The following CFAP44 variants were observed in gnomAD, a reference collection of about 807,000 sequenced individuals.
CFAP44 encodes cilia- and flagella-associated protein 44.
In CFAP44, 134 loss-of-function variants were observed where a neutral mutation model predicts 216.2. The ratio of observed to expected loss-of-function variants is 0.62; its 90% confidence interval spans 0.54 to 0.72. The LOEUF is 0.72. Ranked by LOEUF, CFAP44 falls within the 30% of genes least tolerant of loss-of-function variation. The probability of loss-of-function intolerance (pLI) is 0.00; values close to 1 mark genes in which losing one functional copy is unlikely to be tolerated. For synonymous variants in CFAP44, 700 were observed against 727.6 expected (o/e 0.96, Z 0.61); for missense variants, 2,035 against 2,182.1 (o/e 0.93, Z 1.34).
rs1950210721 is a variant in CFAP44, at chr3:113,328,695, T to TAAAAAAAAAAAAAAAAAAA, written c.4117-877_4117-876insTTTTTTTTTTTTTTTTTTT. 6.2e-4 allele frequency among the ~76,000 whole-genome samples: 45 copies of TAAAAAAAAAAAAAAAAAAA among 72,342 alleles called. 4 individuals carry two copies. Among genetic ancestry groups the TAAAAAAAAAAAAAAAAAAA allele is most frequent in the South Asian group, 1.0e-3 (2 of 2,006 alleles). The allele number at this position is 72,342 out of a possible 152,430, so 47.5% of individuals were successfully genotyped here. A position where few individuals can be genotyped will look rare whatever the true frequency, so the allele number is the denominator to read the frequency against. On this transcript the variant is annotated intron_variant, in intron 26 of 34. Coordinates refer to ENST00000393845, the MANE Select transcript of CFAP44 (RefSeq NM_001164496.2). ...AAACTACCAGAGAAATTTAGAGAGC[T>TAAAAAAAAAAAAAAAAAAA]TAAAAAAAAAAAAAAAAAAAAAAAA...
intron 10 of CFAP44, 111 bp from the exon 11 acceptor site, chr3:113,401,398 C>A: frequency 8.3e-7 from 1 of 1,205,368 alleles, no homozygotes; most frequent in South Asian, 1.5e-5. Context: ...ATCAAAAGCT[C>A]ACATATATTT....
At chr3:113,294,920 G>A in intron 33 of CFAP44, 99 bp from the exon 34 acceptor site, 1 of 1,315,038 alleles carries the variant, frequency 7.6e-7, no homozygotes, top group Non-Finnish European at 1.0e-6. Context: ...GGCAAATGGA[G>A]CAATGTGCCC....
intron 28 of CFAP44, among the ~76,000 whole-genome samples, chr3:113,313,590 C>T (rs915974938): frequency 6.6e-6 from 1 of 152,134 alleles, no homozygotes; most frequent in African/African-American, 2.4e-5. Context: ...GAAATCTCAT[C>T]TTGAATTGTA....
intron 28 of CFAP44, among the ~76,000 whole-genome samples, chr3:113,313,967 C>T (rs1576543105): frequency 6.6e-6 from 1 of 152,028 alleles, no homozygotes; most frequent in African/African-American, 2.4e-5. Context: ...AGAAGAGAAT[C>T]AATAAATGTA....
rs1950368355 is a variant in CFAP44 at position 113,345,099 on chromosome 3, A to C, written c.3066-387T>G. Among the ~76,000 whole-genome samples the C allele has an allele frequency of 2.0e-5, 3 of 148,428 alleles. No homozygotes were observed. The Admixed American group carries it at 2.0e-4, about 10-fold the overall frequency. ...AGACTATATATTATATATTATGTATATATATCTATACATATACATATATAA... is the reference window on the plus strand; with the variant it reads ...AGACTATATATTATATATTATGTATCTATATCTATACATATACATATATAA... On this transcript the variant is annotated intron_variant, in intron 22 of 34. Transcript: ENST00000393845.
At chr3:113,413,331 C>A (rs934795661) in intron 6 of CFAP44, among the ~76,000 whole-genome samples, 4 of 152,122 alleles carry the variant, frequency 2.6e-5, no homozygotes, top group Non-Finnish European at 4.4e-5. Flanking sequence ...CTTGTTCACT[C>A]TAATGATAGT....
intron 30 of CFAP44, among the ~76,000 whole-genome samples, chr3:113,305,446 C>A (rs952832053): frequency 6.6e-6 from 1 of 152,148 alleles, no homozygotes; most frequent in Non-Finnish European, 1.5e-5. Flanking sequence ...GCATGAAAAG[C>A]AGCCCATCAG....
chr3:113,408,865 A>C (rs947448415), intron 7 of CFAP44, among the ~76,000 whole-genome samples: 1,375 of 116,344 alleles, frequency 0.012, 14 homozygotes, highest in African/African-American at 0.045. Flanking sequence ...CTCCATTTCA[A>C]AAAAAAAAAA....
chr3:113,378,288 T>C (rs147277344), intron 17 of CFAP44, among the ~76,000 whole-genome samples: 33 of 152,192 alleles, frequency 2.2e-4, no homozygotes, highest in African/African-American at 7.7e-4. Context: ...CCTTTATCCT[T>C]TGAACTCCAT....
chr3:113,418,817 G>T (rs1934725817), intron 5 of CFAP44, among the ~76,000 whole-genome samples: 1 of 151,906 alleles, frequency 6.6e-6, no homozygotes, highest in Admixed American at 6.6e-5. Flanking sequence ...GTGGTTCTCT[G>T]CCTCAGGCTC....
rs542040511 is a variant in CFAP44 at position 113,296,468 on chromosome 3, T to C, written c.5238+257A>G. Among the ~76,000 whole-genome samples the C allele has an allele frequency of 3.3e-5, 5 of 152,292 alleles. No individual in the cohort carries two copies. In the East Asian group the frequency reaches 7.7e-4, roughly 24 times the overall value. On this transcript the variant is annotated intron_variant, in intron 33 of 34. Coordinates refer to ENST00000393845, the MANE Select transcript of CFAP44 (RefSeq NM_001164496.2). ...AATGAGATCTCTCCATAATCTTTCA[T>C]CCATTTTACATAATATTTATATGCA...
chr3:113,383,568 A>C (rs1933568808), intron 15 of CFAP44, among the ~76,000 whole-genome samples: 1 of 152,138 alleles, frequency 6.6e-6, no homozygotes, highest in Non-Finnish European at 1.5e-5. Context: ...AAGAATTATA[A>C]ATTTTAAGCT....
chr3:113,371,190 A>G (rs1468357462), intron 18 of CFAP44, among the ~76,000 whole-genome samples: 1 of 152,216 alleles, frequency 6.6e-6, no homozygotes, highest in African/African-American at 2.4e-5. Context: ...CATCCCCATC[A>G]AGCTACCAAT....
Position 113,330,126 on chromosome 3 carries a change from T to C in CFAP44, c.4116+42A>G, listed in dbSNP as rs756956308. The C allele has an allele frequency of 1.0e-4, 147 of 1,457,508 alleles. No homozygotes were observed. In the Middle Eastern group the frequency reaches 1.2e-3, roughly 12 times the overall value. 90.3% of individuals were successfully genotyped at this position (1,457,508 alleles called of 1,614,324 possible). A position where few individuals can be genotyped will look rare whatever the true frequency, so the allele number is the denominator to read the frequency against. ...ACCCGACCCAATTTTTTCCCTTCTCTTCTCTCTTTCAGCTTTAACTAGGAA... is the reference window on the plus strand; with the variant it reads ...ACCCGACCCAATTTTTTCCCTTCTCCTCTCTCTTTCAGCTTTAACTAGGAA... On this transcript the variant is annotated intron_variant, in intron 26 of 34. Transcript: ENST00000393845.
intron 28 of CFAP44, among the ~76,000 whole-genome samples, chr3:113,317,079 C>G (rs1950095216): frequency 6.6e-6 from 1 of 152,092 alleles, no homozygotes; most frequent in South Asian, 2.1e-4. Context: ...AACGGGGTAA[C>G]CAAACACCAA....
chr3:113,377,444 CT>C (rs1933377769), intron 17 of CFAP44, among the ~76,000 whole-genome samples: 1 of 152,080 alleles, frequency 6.6e-6, no homozygotes, highest in Non-Finnish European at 1.5e-5. Flanking sequence ...TCTAGTTTCA[CT>C]TCTCATTAGT....
At chr3:113,378,833 T>G (rs1933424482) in intron 17 of CFAP44, among the ~76,000 whole-genome samples, 1 of 152,178 alleles carries the variant, frequency 6.6e-6, no homozygotes, top group South Asian at 2.1e-4. Context: ...ACACTTATCT[T>G]CCTAGACTTG....
chr3:113,306,928 TTA>T (rs1272587359), intron 29 of CFAP44, among the ~76,000 whole-genome samples: 1 of 152,208 alleles, frequency 6.6e-6, no homozygotes, highest in African/African-American at 2.4e-5. Flanking sequence ...CTCATAAATA[TTA>T]TGATTTTTAA....
At chr3:113,300,386 G>C (rs545406663) in intron 32 of CFAP44, among the ~76,000 whole-genome samples, 3 of 151,948 alleles carry the variant, frequency 2.0e-5, no homozygotes, top group Admixed American at 1.3e-4. Context: ...TAACATAAAA[G>C]ATAAATGCTT....
Sources: gnomAD v4.1 joint callset for allele counts (sites outside exome capture counted in the v4.1 genomes callset) on GRCh38, gnomAD v4.1.1 for gene constraint, MANE v1.5 for transcripts, NCBI Gene and HGNC (gene_info 2026-07-23, HGNC 2026-07-21) for gene names.